Variants in SNED1 observed in about 807,000 individuals in gnomAD.
SNED1 encodes sushi, nidogen and EGF like domains 1, also known as sushi, nidogen and EGF-like domain-containing protein 1.
Under a neutral mutation model 166.7 loss-of-function variants are expected in SNED1, and 81 were observed. The observed-to-expected ratio is 0.49, with a 90% CI of 0.41 to 0.58. The LOEUF is 0.58. Among genes scored for constraint, SNED1 ranks in the 20% least tolerant of loss-of-function variants. SNED1 has a pLI of 0.00. For synonymous variants in SNED1, 762 were observed against 822.0 expected, an observed-to-expected ratio of 0.93 and a Z score of 1.25; for missense variants, 1,604 against 2,000.2, an observed-to-expected ratio of 0.80 and a Z score of 3.78.
At chr2:241,005,013 G>A (rs1305348766) in intron 1 of SNED1, among the ~76,000 whole-genome samples, 1 of 152,040 alleles carries the variant, frequency 6.6e-6, no homozygotes, top group Non-Finnish European at 1.5e-5. Context: ...AGGCCACCAT[G>A]CCTGGCCAAT....
intron 26 of SNED1, chr2:241,072,467 A>C (rs765331650): frequency 8.5e-6 from 3 of 352,928 alleles, no homozygotes; most frequent in Non-Finnish European, 1.7e-5. Flanking sequence ...CCCAGAGGGG[A>C]CCTCTCTGGC....
chr2:241,088,449 G>A, intron 31 of SNED1, 47 bp downstream of exon 31: 2 of 1,526,716 alleles, frequency 1.3e-6, no homozygotes, highest in Non-Finnish European at 1.8e-6. Context: ...CTGCTGGGAA[G>A]TGGGGGGCGA....
chr2:241,039,505 T>G (rs2061463400), intron 6 of SNED1, among the ~76,000 whole-genome samples: 1 of 152,082 alleles, frequency 6.6e-6, no homozygotes, highest in Non-Finnish European at 1.5e-5. Context: ...CCAGGTGCTC[T>G]GGACTCAAGG....
rs577568792 is a variant in SNED1, at chr2:241,082,295, G to A, written c.4052G>A (p.Arg1351His). The change falls in exon 29 of 32, where the codon CGC (arginine) becomes CAC (histidine). Residue 1351 changes from arginine to histidine, a missense_variant. Coordinates refer to ENST00000310397, the MANE Select transcript of SNED1 (RefSeq NM_001080437.3). ...RCELACIKVS[R>H]PCTRLFSETK... is the part of the protein sequence containing the mutation. ...GTCGCAGCCTGTATAAAGGTGTCCC[G>A]CCCCTGCACAAGGCTGTTCTCCGAG... 54 of 1,612,926 alleles carry A rather than the reference G, an allele frequency of 3.3e-5. No homozygotes were observed. The highest frequency in any genetic ancestry group is 4.5e-5 in the East Asian group (2 of 44,856).
At chr2:241,048,503 C>CCTGTGG (rs2061729980) in intron 9 of SNED1, 63 bp downstream of exon 9, 1 of 1,540,358 alleles carries the variant, frequency 6.5e-7, no homozygotes, top group Non-Finnish European at 8.8e-7. Context: ...GGAGGGCCTT[C>CCTGTGG]CTGTGGGTGC....
At chr2:241,019,210 C>T (rs1272760517) in intron 1 of SNED1, among the ~76,000 whole-genome samples, 3 of 149,018 alleles carry the variant, frequency 2.0e-5, no homozygotes, top group Non-Finnish European at 4.5e-5. Flanking sequence ...CAGGAGCAGG[C>T]AGGGAGGCAG....
intron 2 of SNED1, among the ~76,000 whole-genome samples, chr2:241,033,261 G>A (rs2061242861): frequency 2.0e-5 from 3 of 152,090 alleles, no homozygotes; most frequent in African/African-American, 7.2e-5. Context: ...TTCTCATCTG[G>A]CGTACCTCAT....
intron 27 of SNED1, among the ~76,000 whole-genome samples, chr2:241,076,221 C>G (rs1292747622): frequency 2.0e-4 from 30 of 152,150 alleles, no homozygotes; most frequent in Admixed American, 1.8e-3. Context: ...ATCCATTGAC[C>G]ATTTTTGTGA....
In SNED1 at chr2:241,049,795, AC is replaced by A. The variant is rs368259086; in HGVS notation, c.1619-19del. On this transcript the variant is annotated intron_variant, in intron 11 of 31. Coordinates refer to ENST00000310397, the MANE Select transcript of SNED1 (RefSeq NM_001080437.3). The stretch of plus-strand genomic sequence containing the variant: ...CAGATGCGGCGTAAGCTCCAGGACC[AC>A]CCTCTGTCCCCCGCCCCCAGCCCTG... 4.6e-4 allele frequency: 724 copies of A among 1,588,776 alleles called. 6 individuals are homozygous for A. The African/African-American group carries it at 8.8e-3, about 19-fold the overall frequency.
Position 241,071,817 on chromosome 2 carries a change from C to A in SNED1, c.3756C>A (p.Gly1252=). 6.2e-7 allele frequency: 1 copy of A among 1,601,390 alleles called. No homozygotes were observed. Residue 1252 remains glycine, a synonymous_variant, in exon 26 of 32, where the codon GGC becomes GGA. Transcript: ENST00000310397. ...GCAGGTTCTCGGAGCTTGTGGACGG[C>A]AGAGGAAGAGTGAGCGCCAGGTTCG... ...QPPRFSELVD[G]RGRVSARFGG...
At chr2:241,008,123 G>A (rs1316585474) in intron 1 of SNED1, among the ~76,000 whole-genome samples, 1 of 152,256 alleles carries the variant, frequency 6.6e-6, no homozygotes, top group Non-Finnish European at 1.5e-5. Context: ...TCCGGACCAC[G>A]TGTGTCTCCA....
rs577339719 is a variant in SNED1 at position 241,081,043 on chromosome 2, C to G, written c.3917-634C>G. On this transcript the variant is annotated intron_variant, in intron 27 of 31. Coordinates refer to ENST00000310397, the MANE Select transcript of SNED1 (RefSeq NM_001080437.3). ...GGGACTTTTTTCTGGGTTGGTCAGG[C>G]TGCCAGCACTGGACCAGTGACCAGT... Among the ~76,000 whole-genome samples, 116 of 152,344 alleles carry G rather than the reference C, an allele frequency of 7.6e-4. 1 individual carries two copies. Among genetic ancestry groups the G allele is most frequent in the African/African-American group, 2.8e-3 (115 of 41,568 alleles).
intron 29 of SNED1, among the ~76,000 whole-genome samples, chr2:241,084,671 A>T (rs560535133): frequency 6.6e-6 from 1 of 152,334 alleles, no homozygotes; most frequent in African/African-American, 2.4e-5. Flanking sequence ...AGATATTGAA[A>T]GTAAAGTATT....
chr2:241,065,086 G>C (rs959206589), intron 20 of SNED1, 129 bp downstream of exon 20: 2 of 835,664 alleles, frequency 2.4e-6, no homozygotes. Flanking sequence ...GGAACAGGGA[G>C]GGGATAAAAT....
intron 3 of SNED1, 32 bp from the exon 4 acceptor site, chr2:241,034,536 C>A (rs910892564): frequency 1.3e-6 from 2 of 1,555,886 alleles, no homozygotes; most frequent in African/African-American, 1.4e-5. Context: ...GGGGAACTGG[C>A]CTCCCTCACT....
Position 241,087,434 on chromosome 2 carries a change from A to C in SNED1, c.4164A>C (p.Lys1388Asn). ...GAGTTCACCAAGACATCTGCTTCAA[A>C]GAGAGCTGTGAAAGCACAAGCCTCA... is the stretch of plus-strand genomic sequence containing the variant. ...VYRVHQDICF[K>N]ESCESTSLKK... is the part of the protein sequence containing the mutation. Residue 1388 changes from lysine to asparagine, a missense_variant, in exon 30 of 32, where the codon AAA (lysine) becomes AAC (asparagine). Transcript: ENST00000310397. 1.2e-6 allele frequency: 2 copies of C among 1,604,744 alleles called. No homozygotes were observed. Among genetic ancestry groups the C allele is most frequent in the Non-Finnish European group, 1.7e-6 (2 of 1,175,626 alleles).
intron 1 of SNED1, among the ~76,000 whole-genome samples, chr2:241,003,061 G>A (rs941158384): frequency 6.6e-6 from 1 of 151,966 alleles, no homozygotes; most frequent in Non-Finnish European, 1.5e-5. Flanking sequence ...CAAAACACCA[G>A]TGGGATCCTG....
chr2:241,012,689 TGAC>T (rs2060448188), intron 1 of SNED1, among the ~76,000 whole-genome samples: 5 of 152,332 alleles, frequency 3.3e-5, no homozygotes, highest in South Asian at 2.1e-4. Context: ...CATTGTGAAA[TGAC>T]GACCAGAATC....
rs192541845 is a variant in SNED1 at position 241,087,701 on chromosome 2, G to A, written c.4205+226G>A. The stretch of plus-strand genomic sequence containing the variant: ...CACAGCCGGGCATGCTGGGTGCTGG[G>A]GGGGGTCACTCTGGTTATGCATATT... On this transcript the variant is annotated intron_variant, in intron 30 of 31. Coordinates refer to ENST00000310397, the MANE Select transcript of SNED1 (RefSeq NM_001080437.3). The A allele has an allele frequency of 5.9e-6, 8 of 1,365,052 alleles. No homozygotes were observed. In the East Asian group the frequency reaches 2.2e-4, roughly 37 times the overall value. 84.6% of individuals were successfully genotyped at this position (1,365,052 alleles called of 1,614,324 possible).
Sources: gnomAD v4.1 joint callset for allele counts (sites outside exome capture counted in the v4.1 genomes callset) on GRCh38, gnomAD v4.1.1 for gene constraint, MANE v1.5 for transcripts, NCBI Gene and HGNC (gene_info 2026-07-23, HGNC 2026-07-21) for gene names.